CLYBL: variants seen among roughly 807,000 people sequenced by gnomAD.
CLYBL encodes citramalyl-CoA lyase.
A neutral mutation model predicts 38.9 loss-of-function variants in CLYBL; 31 were observed. That is an observed-to-expected ratio of 0.80 (90% CI 0.60 to 1.08). The LOEUF (loss-of-function observed/expected upper bound fraction) is 1.08, where lower values mean the gene tolerates loss of function less well. Ranked by LOEUF, CLYBL falls within the 50% of genes least tolerant of loss-of-function variation. CLYBL has a pLI of 0.00. For missense variants in CLYBL, 434 were observed against 411.6 expected, an observed-to-expected ratio of 1.05 and a Z score of -0.47; for synonymous variants, 171 against 158.6, an observed-to-expected ratio of 1.08 and a Z score of -0.59.
chr13:99,882,255 G>A (rs191749493), intron 7 of CLYBL, among the ~76,000 whole-genome samples: 7 of 152,212 alleles, frequency 4.6e-5, no homozygotes, highest in African/African-American at 1.7e-4. Flanking sequence ...TTCTAGTCTC[G>A]TCCTCTTAAG....
At chr13:99,634,853 G>C (rs2046996745) in intron 1 of CLYBL, among the ~76,000 whole-genome samples, 1 of 152,170 alleles carries the variant, frequency 6.6e-6, no homozygotes, top group African/African-American at 2.4e-5. Flanking sequence ...ACGTGACAAA[G>C]GCTGTGAAGG....
At chr13:99,857,768 A>G (rs981408220) in intron 2 of CLYBL, among the ~76,000 whole-genome samples, 1 of 152,024 alleles carries the variant, frequency 6.6e-6, no homozygotes, top group African/African-American at 2.4e-5. Context: ...TTGGTTTGCT[A>G]TTTTCCTAGA....
chr13:99,613,066 CAAA>C (rs2046654715), intron 1 of CLYBL, among the ~76,000 whole-genome samples: 2 of 149,498 alleles, frequency 1.3e-5, no homozygotes, highest in African/African-American at 2.5e-5. Flanking sequence ...ATAATAATAA[CAAA>C]ATTCCCTCTA....
chr13:99,829,367 C>T (rs950779770), intron 2 of CLYBL, among the ~76,000 whole-genome samples: 7 of 152,144 alleles, frequency 4.6e-5, no homozygotes, highest in African/African-American at 7.2e-5. Flanking sequence ...TTAAGACAGC[C>T]GGAGCAGGGA....
intron 1 of CLYBL, among the ~76,000 whole-genome samples, chr13:99,635,189 G>C (rs943652181): frequency 6.6e-6 from 1 of 152,012 alleles, no homozygotes; most frequent in African/African-American, 2.4e-5. Context: ...CCCCAGGTAC[G>C]TTTCATTAGG....
chr13:99,761,434 C>A (rs1250087428), intron 1 of CLYBL, among the ~76,000 whole-genome samples: 1 of 152,202 alleles, frequency 6.6e-6, no homozygotes, highest in African/African-American at 2.4e-5. Context: ...CAATATTTGT[C>A]TTTCAGTGCT....
chr13:99,762,343 G>A (rs1437172379), intron 1 of CLYBL, among the ~76,000 whole-genome samples: 1 of 152,078 alleles, frequency 6.6e-6, no homozygotes, highest in Non-Finnish European at 1.5e-5. Context: ...TGATTTTTGT[G>A]TATGGTGAGA....
Position 99,849,957 on chromosome 13 carries a change from C to G in CLYBL, c.250-8904C>G, listed in dbSNP as rs1208604224. Among the ~76,000 whole-genome samples, 1 of 152,098 alleles carries G rather than the reference C, an allele frequency of 6.6e-6. No individual in the cohort carries two copies. Among genetic ancestry groups the G allele is most frequent in the Non-Finnish European group, 1.5e-5 (1 of 67,996 alleles). ...GTGTGAAAATACAAAACAAAAATAT[C>G]ACGATCCCCCCAATCCACACCATAT... On this transcript the variant is annotated intron_variant, in intron 2 of 8. Coordinates refer to ENST00000339105, the MANE Select transcript of CLYBL (RefSeq NM_206808.5). This position sits in a 1 kb window ranked among gnomAD's most constrained non-coding sequence, Gnocchi z 4.9.
chr13:99,796,509 G>A (rs993581307), intron 2 of CLYBL, among the ~76,000 whole-genome samples: 5 of 152,126 alleles, frequency 3.3e-5, no homozygotes, highest in African/African-American at 1.2e-4. Context: ...CTCATTTCAT[G>A]TTCATAGCAA....
At chr13:99,859,200 C>G (rs756196247) in intron 3 of CLYBL, 151 bp downstream of exon 3, 15 of 603,300 alleles carry the variant, frequency 2.5e-5, no homozygotes, top group Non-Finnish European at 4.2e-5. Context: ...GTATCCGTTT[C>G]TTTTACACAA....
intron 1 of CLYBL, among the ~76,000 whole-genome samples, chr13:99,767,267 A>G (rs1358865262): frequency 2.0e-5 from 3 of 151,658 alleles, no homozygotes; most frequent in African/African-American, 7.3e-5. Context: ...TTCATATTTG[A>G]GTTCTGAGGT....
At chr13:99,638,499 ACT>A (rs747440097) in intron 1 of CLYBL, among the ~76,000 whole-genome samples, 2 of 152,148 alleles carry the variant, frequency 1.3e-5, no homozygotes, top group Non-Finnish European at 2.9e-5. Context: ...TGTGTTTCAG[ACT>A]CTGTGCTAGA....
intron 1 of CLYBL, among the ~76,000 whole-genome samples, chr13:99,740,777 G>C (rs1464272105): frequency 1.3e-5 from 2 of 152,144 alleles, no homozygotes; most frequent in Non-Finnish European, 2.9e-5. Flanking sequence ...TTCAAGTCCT[G>C]CTCTCCAGCT....
At chr13:99,729,847 G>A (rs1301590200) in intron 1 of CLYBL, among the ~76,000 whole-genome samples, 2 of 150,124 alleles carry the variant, frequency 1.3e-5, no homozygotes, top group African/African-American at 4.9e-5. Context: ...GTGGCAGTGG[G>A]GCCCTTCCCC....
downstream of CLYBL, chr13:99,895,701 G>T (rs777787637): frequency 7.2e-5 from 11 of 152,256 alleles, no homozygotes; most frequent in Admixed American, 2.6e-4. Context: ...TTATTTGGCA[G>T]CATATCGCCT....
intron 2 of CLYBL, among the ~76,000 whole-genome samples, chr13:99,825,374 G>A (rs187913654): frequency 2.8e-4 from 42 of 152,266 alleles, no homozygotes; most frequent in South Asian, 1.5e-3. Context: ...AAGTAAGTGC[G>A]TGTGAATGCC....
At chr13:99,820,599 TTAGGA>T (rs1242258766) in intron 2 of CLYBL, among the ~76,000 whole-genome samples, 1 of 151,728 alleles carries the variant, frequency 6.6e-6, no homozygotes, top group Non-Finnish European at 1.5e-5. Context: ...AGTCTCAATC[TTAGGA>T]CAAGATTAAT....
intron 2 of CLYBL, among the ~76,000 whole-genome samples, chr13:99,774,279 A>G (rs552483664): frequency 2.0e-5 from 3 of 152,326 alleles, no homozygotes; most frequent in South Asian, 4.1e-4. Flanking sequence ...AAATAGGTAC[A>G]AAAGACTCTT....
chr13:99,885,252 G>A (rs1340364881), intron 7 of CLYBL: 8 of 367,492 alleles, frequency 2.2e-5, no homozygotes, highest in South Asian at 1.4e-4. Flanking sequence ...CTACCAAGGA[G>A]GCCTCAAAAC....
Sources: gnomAD v4.1 joint callset for allele counts (sites outside exome capture counted in the v4.1 genomes callset) on GRCh38, gnomAD v4.1.1 for gene constraint, Gnocchi (gnomAD v3.1) non-coding constraint, MANE v1.5 for transcripts, NCBI Gene and HGNC (gene_info 2026-07-23, HGNC 2026-07-21) for gene names.